SPTB: variants seen among roughly 807,000 people sequenced by gnomAD.
SPTB encodes spectrin beta chain, erythrocytic.
A neutral mutation model predicts 256.2 loss-of-function variants in SPTB; 45 were observed. The observed-to-expected ratio is 0.18, with a 90% CI of 0.14 to 0.23. SPTB has a LOEUF of 0.23. Ranked by LOEUF, SPTB falls within the 10% of genes least tolerant of loss-of-function variation. SPTB has a pLI of 1.00. For synonymous variants in SPTB, 1,231 were observed against 1,243.1 expected, an observed-to-expected ratio of 0.99 and a Z score of 0.21; for missense variants, 2,715 against 3,040.4, an observed-to-expected ratio of 0.89 and a Z score of 2.52.
At chr14:64,848,056 T>A (rs905656834) in intron 1 of SPTB, among the ~76,000 whole-genome samples, 1 of 152,202 alleles carries the variant, frequency 6.6e-6, no homozygotes, top group African/African-American at 2.4e-5. Flanking sequence ...CCCTCTTTGA[T>A]TATCTCTTCC....
chr14:64,764,314 T>A lies in SPTB; in HGVS notation c.6345+2412A>T, dbSNP rs181742118. ...TCTTGCATCGAAGGTGGATGGGGTATTAGGCCCTCCCTCTGAGGTTCGTGG... is the reference window on the plus strand; with the variant it reads ...TCTTGCATCGAAGGTGGATGGGGTAATAGGCCCTCCCTCTGAGGTTCGTGG... On this transcript the variant is annotated intron_variant, in intron 32 of 35. Transcript: ENST00000644917. The surrounding 1 kb of genome is among the most constrained non-coding windows in gnomAD (Gnocchi z 4.2). Among the ~76,000 whole-genome samples the A allele has an allele frequency of 7.2e-5, 11 of 152,322 alleles. No homozygotes were observed. In the East Asian group the frequency reaches 2.1e-3, roughly 29 times the overall value.
At chr14:64,781,889 A>G (rs997491163) in intron 20 of SPTB, among the ~76,000 whole-genome samples, 1 of 152,244 alleles carries the variant, frequency 6.6e-6, no homozygotes, top group Non-Finnish European at 1.5e-5. Context: ...AGCCATAAAA[A>G]AAGAACGAGA....
intron 1 of SPTB, among the ~76,000 whole-genome samples, chr14:64,862,351 T>C (rs760280624): frequency 6.6e-6 from 1 of 152,128 alleles, no homozygotes; most frequent in Non-Finnish European, 1.5e-5. Flanking sequence ...CAAAAATGCT[T>C]TAAGACTTGA....
rs2081917463 is a variant in SPTB, at chr14:64,749,882, C to T, written c.6776+99G>A. On this transcript the variant is annotated intron_variant, in intron 34 of 35. Coordinates refer to ENST00000644917, the MANE Select transcript of SPTB (RefSeq NM_001355436.2). The surrounding 1 kb of genome is among the most constrained non-coding windows in gnomAD (Gnocchi z 4.7). ...GATTTGAAAAACCCCTGAGGAGCAG[C>T]TCAGGCCTGGCACTGGTCCCCTACA... The T allele has an allele frequency of 1.9e-6, 3 of 1,555,660 alleles. No individual in the cohort carries two copies. Among genetic ancestry groups the T allele is most frequent in the South Asian group, 1.1e-5 (1 of 89,410 alleles).
At chr14:64,815,480 C>T (rs2083173660) in intron 2 of SPTB, among the ~76,000 whole-genome samples, 2 of 152,216 alleles carry the variant, frequency 1.3e-5, no homozygotes, top group Admixed American at 1.3e-4. Flanking sequence ...GCCCACTTCA[C>T]AGAGTGGGTG....
At chr14:64,840,249 C>T (rs1188347702) in intron 1 of SPTB, among the ~76,000 whole-genome samples, 1 of 152,174 alleles carries the variant, frequency 6.6e-6, no homozygotes, top group African/African-American at 2.4e-5. Flanking sequence ...GGTCCATTTC[C>T]ACCTTAGGAT....
At chr14:64,874,410 T>G (rs1437927469) in intron 1 of SPTB, among the ~76,000 whole-genome samples, 1 of 152,258 alleles carries the variant, frequency 6.6e-6, no homozygotes, top group Non-Finnish European at 1.5e-5. Context: ...CTTCAGCACA[T>G]AACAGTGTAA....
In SPTB at chr14:64,790,238, T is replaced by C. The variant is rs1290871883; in HGVS notation, c.2804+1481A>G. On this transcript the variant is annotated intron_variant, in intron 15 of 35. Coordinates refer to ENST00000644917, the MANE Select transcript of SPTB (RefSeq NM_001355436.2). The surrounding 1 kb of genome is among the most constrained non-coding windows in gnomAD (Gnocchi z 4.8). ...CTCGGGTTTTTTTCTCACTTAAGGA[T>C]GGCAGGTACCTTGATATTTTTCTCT... 3.9e-5 allele frequency among the ~76,000 whole-genome samples: 6 copies of C among 152,132 alleles called. No homozygotes were observed. Among genetic ancestry groups the C allele is most frequent in the Non-Finnish European group, 4.4e-5 (3 of 68,022 alleles).
rs531611836 is a variant in SPTB, at chr14:64,844,674, T to C, written c.-51-21529A>G. ...ACATTAACATTTAGCAGGGCTTTAA[T>C]TGAAAAGTAACATGAAGAAGAGGCT... On this transcript the variant is annotated intron_variant, in intron 1 of 35. Coordinates refer to ENST00000644917, the MANE Select transcript of SPTB (RefSeq NM_001355436.2). The surrounding 1 kb of genome is among the most constrained non-coding windows in gnomAD (Gnocchi z 4.1). Among the ~76,000 whole-genome samples, 11 of 152,306 alleles carry C rather than the reference T, an allele frequency of 7.2e-5. No homozygotes were observed. The South Asian group carries it at 1.9e-3, about 26-fold the overall frequency.
intron 1 of SPTB, among the ~76,000 whole-genome samples, chr14:64,848,238 T>C (rs1409071983): frequency 6.6e-6 from 1 of 152,236 alleles, no homozygotes; most frequent in Non-Finnish European, 1.5e-5. Flanking sequence ...ACTCCTACTC[T>C]TTTTGCTTTC....
At chr14:64,773,153 G>C in intron 25 of SPTB, 67 bp downstream of exon 25, 3 of 1,600,136 alleles carry the variant, frequency 1.9e-6, no homozygotes, top group East Asian at 4.5e-5. Context: ...TGTGTGTCTT[G>C]AGTGACGGCT....
At chr14:64,755,867 G>A (rs1267863989) in intron 32 of SPTB, 4 of 152,186 alleles carry the variant, frequency 2.6e-5, no homozygotes, top group Non-Finnish European at 4.4e-5. Flanking sequence ...TACGAGATAT[G>A]CACGTGCAAT....
chr14:64,818,635 A>T (rs1176115190), intron 2 of SPTB, among the ~76,000 whole-genome samples: 1 of 152,162 alleles, frequency 6.6e-6, no homozygotes, highest in African/African-American at 2.4e-5. Flanking sequence ...AGGGAGACAG[A>T]GGATGGGCAT....
At chr14:64,801,716 G>A in intron 6 of SPTB, 38 bp downstream of exon 6, 1 of 1,582,694 alleles carries the variant, frequency 6.3e-7, no homozygotes. Context: ...CAGGGAGGCT[G>A]TCTCAGTCAG....
intron 33 of SPTB, chr14:64,752,426 A>G: frequency 2.3e-6 from 1 of 432,768 alleles, no homozygotes; most frequent in South Asian, 1.8e-5. Flanking sequence ...CCATTTTACG[A>G]AGCCCCATTT....
chr14:64,837,330 T>C (rs1190629480), intron 1 of SPTB, among the ~76,000 whole-genome samples: 1 of 152,222 alleles, frequency 6.6e-6, no homozygotes, highest in African/African-American at 2.4e-5. Context: ...CTTTTATCTA[T>C]TCATGAATTC....
rs1445259676 is a variant in SPTB, at chr14:64,749,373, C to T, written c.6920G>A (p.Gly2307Asp). Residue 2307 changes from glycine (G) to aspartate (D), a missense_variant, in exon 36 of 36, where the codon GGC (glycine) becomes GAC (aspartate). Transcript: ENST00000644917. The surrounding 1 kb of genome is among the most constrained non-coding windows in gnomAD (Gnocchi z 4.7). ...AQSLPLPSLS[G>D]PDASLGKKDK... ...TTTCTTGCCGAGGCTGGCGTCGGGG[C>T]CGGAGAGGGAAGGCAGGGGCAGGCT... is the stretch of plus-strand genomic sequence containing the variant. 3.1e-6 allele frequency: 5 copies of T among 1,610,272 alleles called. No homozygotes were observed. Among genetic ancestry groups the T allele is most frequent in the African/African-American group, 1.3e-5 (1 of 74,922 alleles).
Position 64,796,519 on chromosome 14 carries a change from G to A in SPTB, c.1341+38C>T. ...CCAAGAGCTGGGGGCTCTGAAGAAT[G>A]TCCCCTCTCCTGTCACCCAAAGCAT... On this transcript the variant is annotated intron_variant, in intron 11 of 35. Transcript: ENST00000644917. This position sits in a 1 kb window ranked among gnomAD's most constrained non-coding sequence, Gnocchi z 4.1. The A allele has an allele frequency of 6.2e-7, 1 of 1,613,690 alleles. No individual in the cohort carries two copies.
Position 64,802,166 on chromosome 14 carries a change from T to C in SPTB, c.566+60A>G. The C allele has an allele frequency of 6.7e-7, 1 of 1,501,974 alleles. No individual in the cohort carries two copies. The highest frequency in any genetic ancestry group is 9.3e-7 in the Non-Finnish European group (1 of 1,078,916). 93.0% of individuals were successfully genotyped at this position (1,501,974 alleles called of 1,614,324 possible). A position where few individuals can be genotyped will look rare whatever the true frequency, so the allele number is the denominator to read the frequency against. On this transcript the variant is annotated intron_variant, in intron 5 of 35. Coordinates refer to ENST00000644917, the MANE Select transcript of SPTB (RefSeq NM_001355436.2). This position sits in a 1 kb window ranked among gnomAD's most constrained non-coding sequence, Gnocchi z 5.1. ...TCTAATGTCCCTCTGGAGATGGCAG[T>C]GCTTGTGCGGAGCAAGGGGCTGGTG...
Sources: allele counts gnomAD v4.1 joint callset (sites outside exome capture counted in the v4.1 genomes callset), GRCh38; gene constraint gnomAD v4.1.1; non-coding constraint Gnocchi (gnomAD v3.1); transcripts MANE v1.5; gene names NCBI Gene and HGNC (gene_info 2026-07-23, HGNC 2026-07-21).